Variants in PKNOX2 observed in about 807,000 individuals in gnomAD.
PKNOX2 encodes the protein homeobox protein PKNOX2.
PKNOX2 carries 14 observed loss-of-function variants against 53.1 expected under a neutral mutation model. The ratio of observed to expected loss-of-function variants is 0.26; its 90% CI spans 0.17 to 0.41. The LOEUF is 0.41. PKNOX2 is among the 10% of genes least tolerant of loss of function. The pLI, the probability that PKNOX2 is intolerant of heterozygous loss-of-function variation, is 1.00. For synonymous variants in PKNOX2, 257 were observed against 242.8 expected (o/e 1.06, Z -0.54); for missense variants, 496 against 602.8 (o/e 0.82, Z 1.85).
rs142961617 is a variant in PKNOX2, at chr11:125,286,227, A to G, written c.-129-45592A>G. 1.4e-4 allele frequency among the ~76,000 whole-genome samples: 22 copies of G among 152,356 alleles called. No homozygotes were observed. In the East Asian group the frequency reaches 4.2e-3, roughly 29 times the overall value. On this transcript the variant is annotated intron_variant, in intron 2 of 12. Coordinates refer to ENST00000298282, the MANE Select transcript of PKNOX2 (RefSeq NM_001382323.2). ...GGGCATGGAGGCTCACAGGTAGCCTAAAAACAGCACAGTCGTAACTAAAGG... is the reference window on the plus strand; with the variant it reads ...GGGCATGGAGGCTCACAGGTAGCCTGAAAACAGCACAGTCGTAACTAAAGG...
intron 5 of PKNOX2, among the ~76,000 whole-genome samples, chr11:125,383,272 G>A (rs771688683): frequency 4.0e-5 from 6 of 151,872 alleles, no homozygotes; most frequent in East Asian, 1.9e-4. Flanking sequence ...TGTGTGCTCC[G>A]TCACGGTGTG....
intron 5 of PKNOX2, among the ~76,000 whole-genome samples, chr11:125,374,559 C>T (rs1028448069): frequency 5.3e-5 from 8 of 152,214 alleles, no homozygotes; most frequent in Admixed American, 1.3e-4. Context: ...TAAGGCCTCC[C>T]GCACCAAGCC....
At chr11:125,193,533 G>A (rs1957002549) in intron 1 of PKNOX2, among the ~76,000 whole-genome samples, 1 of 152,166 alleles carries the variant, frequency 6.6e-6, no homozygotes, top group African/African-American at 2.4e-5. Context: ...CTTTCTCTCT[G>A]TGTAAGGCTA....
Position 125,284,202 on chromosome 11 carries a change from C to G in PKNOX2, c.-129-47617C>G, listed in dbSNP as rs1022405060. 2.6e-5 allele frequency among the ~76,000 whole-genome samples: 4 copies of G among 152,340 alleles called. No individual in the cohort carries two copies. The East Asian group carries it at 5.8e-4, about 22-fold the overall frequency. ...AAGAGCTTTGTAGCAGCCATCCTCT[C>G]TTATTACGGTGCATACACCACTGAC... is the stretch of plus-strand genomic sequence containing the variant. On this transcript the variant is annotated intron_variant, in intron 2 of 12. Coordinates refer to ENST00000298282, the MANE Select transcript of PKNOX2 (RefSeq NM_001382323.2).
intron 2 of PKNOX2, among the ~76,000 whole-genome samples, chr11:125,256,713 T>C (rs1944424664): frequency 6.6e-6 from 1 of 152,168 alleles, no homozygotes; most frequent in South Asian, 2.1e-4. Context: ...TGAGAGATAC[T>C]TTTTTTCCAG....
chr11:125,351,279 C>T lies in PKNOX2; in HGVS notation c.-22-5C>T, dbSNP rs1951296040. 7.1e-7 allele frequency: 1 copy of T among 1,408,944 alleles called. No homozygotes were observed. Among genetic ancestry groups the T allele is most frequent in the Non-Finnish European group, 1.0e-6 (1 of 999,336 alleles). The allele number at this position is 1,408,944 out of a possible 1,614,324, so 87.3% of individuals were successfully genotyped here. A position where few individuals can be genotyped will look rare whatever the true frequency, so the allele number is the denominator to read the frequency against. On this transcript the variant is annotated splice_polypyrimidine_tract_variant and splice_region_variant and intron_variant, in intron 3 of 12. Coordinates refer to ENST00000298282, the MANE Select transcript of PKNOX2 (RefSeq NM_001382323.2). ...ACGGTGCGGCCCCCTTTCTCCTGCC[C>T]ACAGGTCCTCCATGTGAATCAATCC...
intron 2 of PKNOX2, among the ~76,000 whole-genome samples, chr11:125,312,360 G>A (rs1469592775): frequency 1.3e-5 from 2 of 152,238 alleles, no homozygotes; most frequent in Non-Finnish European, 2.9e-5. Flanking sequence ...CAAAAGGAGA[G>A]TGTGGAGGCC....
chr11:125,350,353 C>A (rs1315799182), intron 3 of PKNOX2, among the ~76,000 whole-genome samples: 1 of 152,112 alleles, frequency 6.6e-6, no homozygotes, highest in African/African-American at 2.4e-5. Context: ...ATGATGGGGG[C>A]AACAGTGGAG....
At chr11:125,397,783 C>A in intron 6 of PKNOX2, 91 bp from the exon 7 acceptor site, 3 of 1,348,476 alleles carry the variant, frequency 2.2e-6, no homozygotes, top group Non-Finnish European at 3.1e-6. Context: ...GGGGTGGGCT[C>A]CCCTCCCCTG....
At chr11:125,356,023 A>T in intron 4 of PKNOX2, among the ~76,000 whole-genome samples, 1 of 136,346 alleles carries the variant, frequency 7.3e-6, no homozygotes, top group South Asian at 2.7e-4. Context: ...CACTCTCACT[A>T]TCAGCACCCC....
chr11:125,176,611 G>A (rs1158317568), intron 1 of PKNOX2, among the ~76,000 whole-genome samples: 3 of 152,200 alleles, frequency 2.0e-5, no homozygotes, highest in Admixed American at 6.5e-5. Flanking sequence ...CCGTGAACTA[G>A]GTAAGAGTAG....
At chr11:125,320,817 A>T (rs1299422544) in intron 2 of PKNOX2, among the ~76,000 whole-genome samples, 1 of 152,156 alleles carries the variant, frequency 6.6e-6, no homozygotes, top group Non-Finnish European at 1.5e-5. Flanking sequence ...GGATATGTAA[A>T]CAGTTAACCC....
At position 125,398,032 on chromosome 11, in the gene PKNOX2, C is replaced by T. The variant is rs760582232; in HGVS notation, c.558C>T (p.Pro186=). The T allele has an allele frequency of 2.5e-6, 4 of 1,612,956 alleles. No individual in the cohort carries two copies. Among genetic ancestry groups the T allele is most frequent in the Non-Finnish European group, 3.4e-6 (4 of 1,179,372 alleles). Residue 186 remains proline, a synonymous_variant, in exon 7 of 13, where the codon CCC becomes CCT. Coordinates refer to ENST00000298282, the MANE Select transcript of PKNOX2 (RefSeq NM_001382323.2). The part of the protein sequence containing the change: ...LRNDLGGPYS[P]NQPSINLHSQ... ...ATGATCTAGGGGGGCCCTACTCCCC[C>T]AACCAGCCCTCCATCAACCTTCACT...
At chr11:125,292,959 C>T (rs1214037105) in intron 2 of PKNOX2, among the ~76,000 whole-genome samples, 6 of 152,218 alleles carry the variant, frequency 3.9e-5, no homozygotes, top group South Asian at 4.2e-4. Context: ...TTGCGGGGAG[C>T]GTCGCAGGCA....
intron 5 of PKNOX2, among the ~76,000 whole-genome samples, chr11:125,373,011 A>G (rs1952637362): frequency 1.3e-5 from 2 of 152,246 alleles, no homozygotes; most frequent in African/African-American, 4.8e-5. Flanking sequence ...GACAGTAGGC[A>G]GTGTTCAGAT....
At chr11:125,337,291 C>A in intron 3 of PKNOX2, among the ~76,000 whole-genome samples, 1 of 152,176 alleles carries the variant, frequency 6.6e-6, no homozygotes, top group South Asian at 2.1e-4. Flanking sequence ...GTGCCCTGAG[C>A]AGCCACTCTT....
chr11:125,245,857 A>G (rs757913850), intron 2 of PKNOX2, among the ~76,000 whole-genome samples: 3 of 152,232 alleles, frequency 2.0e-5, no homozygotes, highest in Non-Finnish European at 4.4e-5. Flanking sequence ...AGGACTCCCA[A>G]CTACTGGGAG....
At chr11:125,358,295 T>A (rs1184425739) in intron 4 of PKNOX2, among the ~76,000 whole-genome samples, 2 of 152,226 alleles carry the variant, frequency 1.3e-5, no homozygotes, top group Non-Finnish European at 2.9e-5. Context: ...GATTCTGGTG[T>A]GCCCTCTGAA....
chr11:125,349,937 G>A (rs528201500), intron 3 of PKNOX2, among the ~76,000 whole-genome samples: 1 of 151,408 alleles, frequency 6.6e-6, no homozygotes, highest in East Asian at 2.0e-4. Context: ...AATTCCCACA[G>A]AATTCAGGTC....
Sources: gnomAD v4.1 joint callset for allele counts (sites outside exome capture counted in the v4.1 genomes callset) on GRCh38, gnomAD v4.1.1 for gene constraint, MANE v1.5 for transcripts, NCBI Gene and HGNC (gene_info 2026-07-23, HGNC 2026-07-21) for gene names.